PRKCQ: variants seen among roughly 807,000 people sequenced by gnomAD.
PRKCQ encodes protein kinase C theta type.
PRKCQ carries 41 observed loss-of-function variants against 91.2 expected under a neutral mutation model. The ratio of observed to expected loss-of-function variants is 0.45; its 90% CI spans 0.35 to 0.58. PRKCQ has a LOEUF of 0.58. Ranked by LOEUF, PRKCQ falls within the 20% of genes least tolerant of loss-of-function variation. The pLI, the probability that PRKCQ is intolerant of heterozygous loss-of-function variation, is 0.00. For synonymous variants in PRKCQ, 307 were observed against 316.9 expected, an observed-to-expected ratio of 0.97 and a Z score of 0.33; for missense variants, 673 against 896.5, an observed-to-expected ratio of 0.75 and a Z score of 3.18.
At chr10:6,523,333 T>G (rs1391981396) in intron 1 of PRKCQ, among the ~76,000 whole-genome samples, 2 of 151,980 alleles carry the variant, frequency 1.3e-5, no homozygotes, top group Non-Finnish European at 2.9e-5. Flanking sequence ...CACCTATAGT[T>G]CCGGCTACTC....
intron 15 of PRKCQ, among the ~76,000 whole-genome samples, chr10:6,442,505 T>C (rs995507229): frequency 1.3e-5 from 2 of 152,174 alleles, no homozygotes; most frequent in East Asian, 3.8e-4. Flanking sequence ...AGTCTTTGCA[T>C]AAACTCTGTA....
chr10:6,407,941 T>A, the PRKCQ span, among the ~76,000 whole-genome samples: 1 of 152,072 alleles, frequency 6.6e-6, no homozygotes, highest in Non-Finnish European at 1.5e-5. The surrounding 1 kb of genome is among the most constrained non-coding windows in gnomAD (Gnocchi z 4.0). Flanking sequence ...ATGTTCTTTT[T>A]AAAACCTAGC....
At chr10:6,419,450 C>T in the PRKCQ span, among the ~76,000 whole-genome samples, 2 of 150,724 alleles carry the variant, frequency 1.3e-5, no homozygotes, top group East Asian at 1.9e-4. Context: ...TTAATCAATT[C>T]CCCACACACA....
At chr10:6,426,068 G>A (rs1833113129), downstream of PRKCQ, among the ~76,000 whole-genome samples, 1 of 152,220 alleles carries the variant, frequency 6.6e-6, no homozygotes, top group African/African-American at 2.4e-5. Context: ...GAATCCACGA[G>A]TGTCTGTGTT....
intron 1 of PRKCQ, among the ~76,000 whole-genome samples, chr10:6,555,517 T>C (rs1840375632): frequency 6.6e-6 from 1 of 152,212 alleles, no homozygotes; most frequent in African/African-American, 2.4e-5. Flanking sequence ...TGCTATCATT[T>C]GGATGGGGGA....
At chr10:6,539,534 A>G (rs1055050571) in intron 1 of PRKCQ, among the ~76,000 whole-genome samples, 3 of 151,912 alleles carry the variant, frequency 2.0e-5, no homozygotes, top group African/African-American at 4.8e-5. Flanking sequence ...AGATGGGACC[A>G]TCTAGTTGCA....
chr10:6,407,202 C>A, the PRKCQ span, among the ~76,000 whole-genome samples: 1 of 152,014 alleles, frequency 6.6e-6, no homozygotes, highest in East Asian at 1.9e-4. The surrounding 1 kb of genome is among the most constrained non-coding windows in gnomAD (Gnocchi z 4.0). Context: ...AGATGCAATC[C>A]CATGCCGGCT....
rs1836832141 is a variant in PRKCQ, at chr10:6,485,178, G to A, written c.992C>T (p.Pro331Leu). Residue 331 changes from proline (P) to leucine (L), a missense_variant, in exon 10 of 18, where the codon CCA becomes CTA. Coordinates refer to ENST00000263125, the MANE Select transcript of PRKCQ (RefSeq NM_006257.5). ...PCSIKNEARP[P>L]CLPTPGKREP... ...TCTTTTTCCCGGTGTCGGTAAACAT[G>A]GCGGCCTTGCTTCATTTTTGATGGA... is the stretch of plus-strand genomic sequence containing the variant. 6.2e-7 allele frequency: 1 copy of A among 1,613,832 alleles called. No individual in the cohort carries two copies. Among genetic ancestry groups the A allele is most frequent in the African/African-American group, 1.3e-5 (1 of 74,868 alleles).
intron 17 of PRKCQ, among the ~76,000 whole-genome samples, chr10:6,429,248 A>AAAAT (rs1463538065): frequency 1.3e-5 from 2 of 152,240 alleles, no homozygotes; most frequent in Non-Finnish European, 2.9e-5. Context: ...TTTTATGTGC[A>AAAAT]AAATATTAAG....
the PRKCQ span, among the ~76,000 whole-genome samples, chr10:6,414,340 C>T: frequency 6.6e-6 from 1 of 152,172 alleles, no homozygotes; most frequent in African/African-American, 2.4e-5. Flanking sequence ...TACCACATCA[C>T]AAAACAAAGC....
chr10:6,409,747 A>G, the PRKCQ span, among the ~76,000 whole-genome samples: 25 of 151,770 alleles, frequency 1.6e-4, no homozygotes, highest in Non-Finnish European at 2.9e-4. Flanking sequence ...TTTTTTTTAT[A>G]GCTTGGAGGA....
At chr10:6,549,844 C>A (rs1257368749) in intron 1 of PRKCQ, among the ~76,000 whole-genome samples, 1 of 151,996 alleles carries the variant, frequency 6.6e-6, no homozygotes, top group African/African-American at 2.4e-5. Flanking sequence ...GTTGGCCAGG[C>A]TGGTCTCAAA....
chr10:6,501,395 G>C (rs1385301731), intron 4 of PRKCQ, among the ~76,000 whole-genome samples: 1 of 152,112 alleles, frequency 6.6e-6, no homozygotes, highest in Non-Finnish European at 1.5e-5. Context: ...CAGAGGTAAA[G>C]TTTATTGATA....
the PRKCQ span, among the ~76,000 whole-genome samples, chr10:6,404,624 TTTCCTTTCTTCC>T: frequency 0.016 from 2,322 of 148,064 alleles, 27 homozygotes; most frequent in South Asian, 0.024. Flanking sequence ...TCTTTCTCTC[TTTCCTTTCTTCC>T]TTCCTTTCTT....
At chr10:6,495,862 G>A (rs762199763) in intron 7 of PRKCQ, among the ~76,000 whole-genome samples, 7 of 152,114 alleles carry the variant, frequency 4.6e-5, no homozygotes, top group Admixed American at 6.5e-5. Context: ...TTCACTCTTC[G>A]GATGGTGGGT....
chr10:6,485,799 T>C (rs150018399), intron 9 of PRKCQ, among the ~76,000 whole-genome samples: 2 of 152,380 alleles, frequency 1.3e-5, no homozygotes, highest in Non-Finnish European at 2.9e-5. Context: ...GTTTCTGCAA[T>C]GCTCATGCCA....
intron 2 of PRKCQ, among the ~76,000 whole-genome samples, chr10:6,514,287 C>T (rs1169260956): frequency 6.6e-6 from 1 of 152,130 alleles, no homozygotes; most frequent in Non-Finnish European, 1.5e-5. Context: ...CCTACTTTTC[C>T]TTTGGAAATC....
At chr10:6,573,088 G>A (rs892520630) in intron 1 of PRKCQ, among the ~76,000 whole-genome samples, 4 of 152,116 alleles carry the variant, frequency 2.6e-5, no homozygotes, top group Non-Finnish European at 5.9e-5. Context: ...ACAGTTTCAT[G>A]AAATAATTAC....
chr10:6,540,717 G>C (rs1033741993), intron 1 of PRKCQ, among the ~76,000 whole-genome samples: 22 of 152,166 alleles, frequency 1.4e-4, no homozygotes, highest in Non-Finnish European at 1.5e-5. Flanking sequence ...AAGTATCTCA[G>C]TCCTCATTTT....
Sources: gnomAD v4.1 joint callset for allele counts (sites outside exome capture counted in the v4.1 genomes callset) on GRCh38, gnomAD v4.1.1 for gene constraint, Gnocchi (gnomAD v3.1) non-coding constraint, MANE v1.5 for transcripts, NCBI Gene and HGNC (gene_info 2026-07-23, HGNC 2026-07-21) for gene names.